Variants in TENM4 observed in about 807,000 individuals in gnomAD.
TENM4 encodes the protein teneurin-4.
TENM4 carries 82 observed loss-of-function variants against 243.3 expected under a neutral mutation model. The observed-to-expected ratio is 0.34, with a 90% CI of 0.28 to 0.40. The LOEUF is 0.40. TENM4 is among the 10% of genes least tolerant of loss of function. The pLI is 1.00. For synonymous variants in TENM4, 1,412 were observed against 1,456.3 expected, an observed-to-expected ratio of 0.97 and a Z score of 0.69; for missense variants, 3,138 against 3,673.3, an observed-to-expected ratio of 0.85 and a Z score of 3.77.
chr11:79,431,205 T>A (rs1328739285), intron 1 of TENM4, among the ~76,000 whole-genome samples: 1 of 152,236 alleles, frequency 6.6e-6, no homozygotes, highest in Admixed American at 6.5e-5. Context: ...CTTTTAAAAA[T>A]ACTTTTGGGG....
In TENM4 at chr11:79,223,907, C is replaced by T. The variant is rs573900409; in HGVS notation, c.-264-7998G>A. Among the ~76,000 whole-genome samples, 340 of 152,284 alleles carry T rather than the reference C, an allele frequency of 2.2e-3. 4 individuals carry two copies. The highest frequency in any genetic ancestry group is 0.015 in the Admixed American group (235 of 15,302). On this transcript the variant is annotated intron_variant, in intron 2 of 33. Coordinates refer to ENST00000278550, the MANE Select transcript of TENM4 (RefSeq NM_001098816.3). Reference sequence around the variant, plus strand: ...TCTGGCTCTCTACTTTCCAGGTACACTGTGAGAATGTCCACCCTGATAGGG... The same window carrying T: ...TCTGGCTCTCTACTTTCCAGGTACATTGTGAGAATGTCCACCCTGATAGGG...
chr11:78,755,118 T>G (rs1856276747), intron 19 of TENM4, among the ~76,000 whole-genome samples: 1 of 152,110 alleles, frequency 6.6e-6, no homozygotes, highest in African/African-American at 2.4e-5. Context: ...CCCCATGGCT[T>G]CTTCTTCAGT....
At chr11:79,177,757 C>T (rs148990284) in intron 3 of TENM4, among the ~76,000 whole-genome samples, 39 of 152,108 alleles carry the variant, frequency 2.6e-4, no homozygotes, top group African/African-American at 8.9e-4. Flanking sequence ...GTGCCTGGCA[C>T]GTAGGAGGGG....
At chr11:78,901,847 C>T (rs533217441) in intron 7 of TENM4, among the ~76,000 whole-genome samples, 9 of 152,098 alleles carry the variant, frequency 5.9e-5, no homozygotes, top group Non-Finnish European at 1.2e-4. Flanking sequence ...GAGGCGGGAG[C>T]GGGGAAGCTG....
At chr11:79,390,445 A>G (rs1237023007) in intron 1 of TENM4, among the ~76,000 whole-genome samples, 1 of 152,264 alleles carries the variant, frequency 6.6e-6, no homozygotes, top group Non-Finnish European at 1.5e-5. Context: ...AGAGAACAGA[A>G]AGAACCAAAT....
At chr11:78,691,238 C>A (rs1374826479) in intron 28 of TENM4, among the ~76,000 whole-genome samples, 1 of 152,218 alleles carries the variant, frequency 6.6e-6, no homozygotes, top group Non-Finnish European at 1.5e-5. Flanking sequence ...TGTGGATTGA[C>A]ACCACCTGGG....
At chr11:79,310,926 T>C (rs1236148492) in intron 1 of TENM4, among the ~76,000 whole-genome samples, 2 of 152,208 alleles carry the variant, frequency 1.3e-5, no homozygotes, top group Admixed American at 6.5e-5. Flanking sequence ...TCAGCCTTTT[T>C]TAAAAAATAA....
chr11:79,143,226 C>T (rs374347228), intron 4 of TENM4, among the ~76,000 whole-genome samples: 2 of 152,178 alleles, frequency 1.3e-5, no homozygotes, highest in African/African-American at 2.4e-5. Context: ...CACATGCACA[C>T]GTATGTTTAT....
At chr11:78,786,445 T>C (rs984911582) in intron 16 of TENM4, among the ~76,000 whole-genome samples, 12 of 152,242 alleles carry the variant, frequency 7.9e-5, no homozygotes, top group Admixed American at 4.6e-4. Flanking sequence ...AATGGCTGCA[T>C]GTACTGGGCA....
In TENM4 at chr11:79,350,054, A is replaced by G. The variant is rs558136921; in HGVS notation, c.-320-52511T>C. On this transcript the variant is annotated intron_variant, in intron 1 of 33. Transcript: ENST00000278550. ...GGCCCATGGGCTGGGCACTGGGACT[A>G]ATGGGATAAAGCAGACATAGTCCCT... is the stretch of plus-strand genomic sequence containing the variant. Among the ~76,000 whole-genome samples the G allele has an allele frequency of 3.3e-5, 5 of 152,298 alleles. No individual in the cohort carries two copies. The South Asian group carries it at 8.3e-4, about 25-fold the overall frequency.
chr11:79,003,203 A>T (rs1858379539), intron 6 of TENM4, among the ~76,000 whole-genome samples: 1 of 152,186 alleles, frequency 6.6e-6, no homozygotes, highest in Non-Finnish European at 1.5e-5. Context: ...CAAAGAGAGG[A>T]AGAGAAAGCA....
Position 78,805,399 on chromosome 11 carries a change from G to A in TENM4, c.2072C>T (p.Thr691Ile), listed in dbSNP as rs367826626. 6 of 1,604,422 alleles carry A rather than the reference G, an allele frequency of 3.7e-6. No individual in the cohort carries two copies. The highest frequency in any genetic ancestry group is 1.4e-5 in the African/African-American group (1 of 73,806). Reference protein sequence around the residue: ...SVGWGGTNCETPRATCLDQCS... With the variant: ...SVGWGGTNCEIPRATCLDQCS... ...CTGGTCTAAGCATGTGGCCCTGGGG[G>A]TCTCGCAGTTGGTGCCTCCCCATCC... Residue 691 changes from threonine (T) to isoleucine (I), a missense_variant, in exon 15 of 34, where the codon ACC (threonine) becomes ATC (isoleucine). By Grantham distance (89) the Thr-to-Ile change is moderately conservative. Coordinates refer to ENST00000278550, the MANE Select transcript of TENM4 (RefSeq NM_001098816.3).
intron 1 of TENM4, among the ~76,000 whole-genome samples, chr11:79,370,779 TAAAAAAAAAAAA>T (rs544196671): frequency 0.038 from 2,193 of 57,226 alleles, 101 homozygotes; most frequent in African/African-American, 0.12. Flanking sequence ...ACTCCTATGG[TAAAAAAAAAAAA>T]AAAAAAAAAA....
intron 2 of TENM4, chr11:79,269,768 G>A (rs1488067466): frequency 6.6e-6 from 1 of 152,282 alleles, no homozygotes; most frequent in Non-Finnish European, 1.5e-5. Flanking sequence ...TGGGGAAAGA[G>A]ACAATGGCCC....
chr11:78,896,181 C>T (rs182104830), intron 7 of TENM4, among the ~76,000 whole-genome samples: 15 of 152,324 alleles, frequency 9.8e-5, no homozygotes, highest in Admixed American at 3.3e-4. Flanking sequence ...CGTGTTTCCA[C>T]CCACAAAGCC....
intron 6 of TENM4, among the ~76,000 whole-genome samples, chr11:78,988,794 C>T (rs1013446188): frequency 1.1e-4 from 16 of 152,356 alleles, no homozygotes; most frequent in South Asian, 8.3e-4. Flanking sequence ...CTCACCTCAG[C>T]CCCCTGAGTA....
chr11:79,245,543 A>G (rs1321393883), intron 2 of TENM4, among the ~76,000 whole-genome samples: 1 of 152,234 alleles, frequency 6.6e-6, no homozygotes, highest in Non-Finnish European at 1.5e-5. Context: ...AGCAGGGATA[A>G]TAATGGAACC....
intron 6 of TENM4, among the ~76,000 whole-genome samples, chr11:79,042,124 A>G (rs1489627790): frequency 6.6e-6 from 1 of 152,190 alleles, no homozygotes; most frequent in Non-Finnish European, 1.5e-5. Context: ...CTACACCTTT[A>G]ATTTCTTAGA....
At chr11:79,144,997 T>C (rs1246471837) in intron 4 of TENM4, among the ~76,000 whole-genome samples, 1 of 152,080 alleles carries the variant, frequency 6.6e-6, no homozygotes. Flanking sequence ...TAACCTGATA[T>C]GATCAGCATG....
Sources: gnomAD v4.1 joint callset for allele counts (sites outside exome capture counted in the v4.1 genomes callset) on GRCh38, gnomAD v4.1.1 for gene constraint, MANE v1.5 for transcripts, NCBI Gene and HGNC (gene_info 2026-07-23, HGNC 2026-07-21) for gene names.